ZNF451: variants seen among roughly 807,000 people sequenced by gnomAD.
ZNF451 encodes the protein E3 SUMO-protein ligase ZNF451.
Under a neutral mutation model 107.1 loss-of-function variants are expected in ZNF451, and 80 were observed. That is an observed-to-expected ratio of 0.75 (90% CI 0.62 to 0.90). The LOEUF (loss-of-function observed/expected upper bound fraction) is 0.90, where lower values mean the gene tolerates loss of function less well. ZNF451 is among the 40% of genes least tolerant of loss of function. The probability of loss-of-function intolerance (pLI) is 0.00; values close to 1 mark genes in which losing one functional copy is unlikely to be tolerated. For synonymous variants in ZNF451, 362 were observed against 406.5 expected (o/e 0.89, Z 1.32); for missense variants, 1,107 against 1,236.2 (o/e 0.90, Z 1.57).
At chr6:57,135,081 T>G (rs559990778) in intron 7 of ZNF451, among the ~76,000 whole-genome samples, 2 of 152,284 alleles carry the variant, frequency 1.3e-5, no homozygotes, top group East Asian at 1.9e-4. Context: ...TCCTAGAGAT[T>G]ATCATCAAAA....
chr6:57,100,516 G>T, intron 3 of ZNF451: 1 of 1,368,898 alleles, frequency 7.3e-7, no homozygotes, highest in Non-Finnish European at 9.6e-7. Flanking sequence ...TCTACTTACT[G>T]GACATGAATC....
intron 7 of ZNF451, among the ~76,000 whole-genome samples, chr6:57,137,914 G>T (rs564680887): frequency 1.3e-5 from 2 of 152,242 alleles, no homozygotes; most frequent in South Asian, 4.1e-4. Flanking sequence ...TATTCATATG[G>T]TAGCATGTAT....
intron 3 of ZNF451, chr6:57,103,771 T>G: frequency 1.5e-5 from 15 of 985,384 alleles, no homozygotes; most frequent in Non-Finnish European, 1.8e-5. Flanking sequence ...CTTCTGTTCT[T>G]GCCACAGTTG....
chr6:57,107,498 C>T, intron 3 of ZNF451: 2 of 985,000 alleles, frequency 2.0e-6, no homozygotes, highest in Non-Finnish European at 2.4e-6. Flanking sequence ...GTAGTATTTT[C>T]TCATTTCTAC....
intron 14 of ZNF451, among the ~76,000 whole-genome samples, chr6:57,168,060 T>TA (rs1031250191): frequency 1.6e-4 from 24 of 152,350 alleles, no homozygotes; most frequent in African/African-American, 5.5e-4. Context: ...CCTTTCTGTT[T>TA]AAAGTCTTAT....
At chr6:57,103,995 T>C (rs1829729394) in intron 3 of ZNF451, 1 of 985,304 alleles carries the variant, frequency 1.0e-6, no homozygotes, top group Non-Finnish European at 1.2e-6. Context: ...TGATCTTGTT[T>C]GTCCTATTTG....
rs1384925506 is a variant in ZNF451, at chr6:57,090,247, C to G, written c.-7C>G. 6.2e-7 allele frequency: 1 copy of G among 1,610,912 alleles called. No homozygotes were observed. The highest frequency in any genetic ancestry group is 1.7e-5 in the Admixed American group (1 of 59,794). On this transcript the variant is annotated 5_prime_UTR_variant, in exon 1 of 15. Coordinates refer to ENST00000370706, the MANE Select transcript of ZNF451 (RefSeq NM_001031623.3). The stretch of plus-strand genomic sequence containing the variant: ...GCAGTGGTGCTGTCAGCGCGGCCGT[C>G]GGAGACATGGGAGACCCGGGGTCGG...
chr6:57,166,382 C>T (rs1268129465), intron 14 of ZNF451, among the ~76,000 whole-genome samples: 1 of 152,120 alleles, frequency 6.6e-6, no homozygotes, highest in Non-Finnish European at 1.5e-5. Flanking sequence ...CCTTAGCTTA[C>T]TGTAACTTGT....
intron 5 of ZNF451, 49 bp from the exon 6 acceptor site, chr6:57,132,993 G>A (rs1831255023): frequency 5.0e-6 from 8 of 1,601,434 alleles, no homozygotes; most frequent in South Asian, 1.1e-5. Context: ...TAGCCCAAAG[G>A]ATAAGTATCT....
At chr6:57,122,095 ACT>A (rs1308827261) in intron 3 of ZNF451, among the ~76,000 whole-genome samples, 2 of 152,036 alleles carry the variant, frequency 1.3e-5, no homozygotes, top group Non-Finnish European at 2.9e-5. Context: ...CAACTCACCA[ACT>A]CATGTTCAAC....
In ZNF451 at chr6:57,142,008, C is replaced by G. The variant is rs375765094; in HGVS notation, c.917C>G (p.Ser306Cys). 1.1e-5 allele frequency: 18 copies of G among 1,614,094 alleles called. No homozygotes were observed. The highest frequency in any genetic ancestry group is 2.7e-5 in the African/African-American group (2 of 75,068). The change falls in exon 9 of 15, where the codon TCT (serine) becomes TGT (cysteine). Residue 306 changes from serine to cysteine, a missense_variant. Physicochemically the swap from Ser to Cys is moderately radical, Grantham distance 112. Coordinates refer to ENST00000370706, the MANE Select transcript of ZNF451 (RefSeq NM_001031623.3). Reference protein sequence around the residue: ...FPSFAKKLLISLCKDVPFQVK... With the variant: ...FPSFAKKLLICLCKDVPFQVK... ...TCTTTTGCAAAGAAACTTTTGATCTCTCTGTGCAAAGATGTTCCCTTTCAA... is the reference window on the plus strand; with the variant it reads ...TCTTTTGCAAAGAAACTTTTGATCTGTCTGTGCAAAGATGTTCCCTTTCAA...
chr6:57,140,645 A>G (rs1831706600), intron 7 of ZNF451, among the ~76,000 whole-genome samples: 1 of 151,616 alleles, frequency 6.6e-6, no homozygotes, highest in Non-Finnish European at 1.5e-5. Flanking sequence ...CATTATTTCT[A>G]GTGGGAAAAA....
At position 57,148,435 on chromosome 6, in the gene ZNF451, G is replaced by C; in HGVS notation, c.2350G>C (p.Glu784Gln). 6.2e-7 allele frequency: 1 copy of C among 1,613,900 alleles called. No individual in the cohort carries two copies. Among genetic ancestry groups the C allele is most frequent in the Non-Finnish European group, 8.5e-7 (1 of 1,179,896 alleles). The stretch of plus-strand genomic sequence containing the variant: ...GCACAAAGAAAAGAGTGATGAGGAG[G>C]AGCAGCAGTATGTAATCAAGTGTGG... ...QVHKEKSDEE[E>Q]QQYVIKCGTC... Residue 784 changes from glutamate (E) to glutamine (Q), a missense_variant, in exon 10 of 15, where the codon GAG becomes CAG. Physicochemically the swap from Glu to Gln is conservative, Grantham distance 29. Around this residue, in one of 5 missense-constraint regions of ZNF451, gnomAD observed 608 missense variants for 649.2 expected, o/e 0.94. Coordinates refer to ENST00000370706, the MANE Select transcript of ZNF451 (RefSeq NM_001031623.3).
chr6:57,160,169 T>C (rs996435368), intron 13 of ZNF451, among the ~76,000 whole-genome samples: 3 of 152,168 alleles, frequency 2.0e-5, no homozygotes, highest in Non-Finnish European at 4.4e-5. Context: ...TAGTTTCCCT[T>C]ATTAGTAACA....
chr6:57,159,138 G>A (rs1046532821), intron 13 of ZNF451: 1 of 985,346 alleles, frequency 1.0e-6, no homozygotes, highest in African/African-American at 1.7e-5. Flanking sequence ...TCCATGCAAA[G>A]GTACTGAAAA....
intron 11 of ZNF451, 130 bp downstream of exon 11, chr6:57,150,992 T>A: frequency 9.1e-7 from 1 of 1,103,144 alleles, no homozygotes; most frequent in Non-Finnish European, 1.3e-6. Flanking sequence ...TCTTTTGTAT[T>A]ATAGTTACTC....
rs78895550 is a variant in ZNF451, at chr6:57,093,352, A to G, written c.105+2458A>G. ...TAATTTCCTAAATAGCTTCAGTACC[A>G]CATAGATCAAGTATTAATACTTTAG... On this transcript the variant is annotated intron_variant, in intron 2 of 14. Coordinates refer to ENST00000370706, the MANE Select transcript of ZNF451 (RefSeq NM_001031623.3). 5.8e-3 allele frequency among the ~76,000 whole-genome samples: 891 copies of G among 152,344 alleles called. 2 individuals carry two copies. Among genetic ancestry groups the G allele is most frequent in the Admixed American group, 9.2e-3 (141 of 15,310 alleles).
chr6:57,099,513 A>G (rs1457772536), intron 3 of ZNF451: 1 of 716,900 alleles, frequency 1.4e-6, no homozygotes, highest in Non-Finnish European at 2.6e-6. Flanking sequence ...CCACATGACC[A>G]CAGAAAATTT....
At chr6:57,108,256 A>G (rs550656795) in intron 3 of ZNF451, 1 of 985,428 alleles carries the variant, frequency 1.0e-6, no homozygotes, top group Non-Finnish European at 1.2e-6. Flanking sequence ...TCCATGAGCT[A>G]TCATAGTACT....
Sources: allele counts gnomAD v4.1 joint callset (sites outside exome capture counted in the v4.1 genomes callset), GRCh38; gene constraint gnomAD v4.1.1; regional missense constraint gnomAD v4.1.1; transcripts MANE v1.5; gene names NCBI Gene and HGNC (gene_info 2026-07-23, HGNC 2026-07-21).